HIBCH: variants seen among roughly 807,000 people sequenced by gnomAD.
HIBCH encodes 3-hydroxyisobutyryl-CoA hydrolase.
A neutral mutation model predicts 58.2 loss-of-function variants in HIBCH; 50 were observed. That is an observed-to-expected ratio of 0.86 (90% confidence interval 0.68 to 1.09). HIBCH has a LOEUF of 1.09. Among genes scored for constraint, HIBCH ranks in the 50% least tolerant of loss-of-function variants. The pLI is 0.00. For missense variants in HIBCH, 450 were observed against 449.7 expected, an observed-to-expected ratio of 1.00 and a Z score of -0.01; for synonymous variants, 151 against 146.9, an observed-to-expected ratio of 1.03 and a Z score of -0.20.
intron 1 of HIBCH, among the ~76,000 whole-genome samples, chr2:190,193,654 T>C (rs932137154): frequency 6.6e-6 from 1 of 152,156 alleles, no homozygotes; most frequent in African/African-American, 2.4e-5. Context: ...TATTCCTGTT[T>C]GCCTTTTAAA....
At chr2:190,233,726 TC>T (rs1686180607) in intron 11 of HIBCH, among the ~76,000 whole-genome samples, 1 of 152,170 alleles carries the variant, frequency 6.6e-6, no homozygotes. Flanking sequence ...AACAGGAACT[TC>T]ATAAGAAAGA....
At chr2:190,268,587 G>T in intron 6 of HIBCH, among the ~76,000 whole-genome samples, 1 of 152,300 alleles carries the variant, frequency 6.6e-6, no homozygotes, top group South Asian at 2.1e-4. Flanking sequence ...GAAGAAAGCT[G>T]ACACAGCTCT....
chr2:190,230,080 T>C (rs1438586659), intron 11 of HIBCH, among the ~76,000 whole-genome samples: 1 of 152,190 alleles, frequency 6.6e-6, no homozygotes, highest in Non-Finnish European at 1.5e-5. Context: ...AAGCTCCCCA[T>C]TCTAATCAGT....
rs776918625 is a variant in HIBCH at position 190,252,297 on chromosome 2, A to C, written c.528T>G (p.Pro176=). ...GCAAGAAATAACCTCCACCCACATC[A>C]GGGAACAGTCCTGTAATTAAATGTA... is the stretch of plus-strand genomic sequence containing the variant. ...AMPETAIGLF[P]DVGGGYFLPR... Residue 176 remains proline (P), a synonymous_variant, in exon 8 of 14, where the codon CCT becomes CCG. Coordinates refer to ENST00000359678, the MANE Select transcript of HIBCH (RefSeq NM_014362.4). 6.2e-6 allele frequency: 10 copies of C among 1,612,892 alleles called. No homozygotes were observed.
chr2:190,282,167 A>T (rs1687720006), intron 6 of HIBCH, among the ~76,000 whole-genome samples: 1 of 152,174 alleles, frequency 6.6e-6, no homozygotes, highest in Non-Finnish European at 1.5e-5. Flanking sequence ...CCAATTCCAA[A>T]GCCACTTCCA....
At chr2:190,275,948 A>C (rs567363074) in intron 6 of HIBCH, among the ~76,000 whole-genome samples, 2 of 152,366 alleles carry the variant, frequency 1.3e-5, no homozygotes, top group South Asian at 4.1e-4. Context: ...TCTGCTGCAG[A>C]CAAGAACAGA....
rs1001352481 is a variant in HIBCH, at chr2:190,197,028, C to T, written c.*18-7031G>A. On this transcript the variant is annotated intron_variant, in intron 1 of 1. Transcript: ENST00000399855. This position sits in a 1 kb window ranked among gnomAD's most constrained non-coding sequence, Gnocchi z 4.0. ...TTGTGAAGGCCTGCTTTGTGGTTTA[C>T]AGCTTTTCACTGTGGCCTCACATGT... Among the ~76,000 whole-genome samples, 1 of 152,104 alleles carries T rather than the reference C, an allele frequency of 6.6e-6. No individual in the cohort carries two copies. The highest frequency in any genetic ancestry group is 2.4e-5 in the African/African-American group (1 of 41,406).
intron 7 of HIBCH, chr2:190,260,379 G>C (rs971711130): frequency 6.6e-6 from 1 of 152,094 alleles, no homozygotes; most frequent in African/African-American, 2.4e-5. Context: ...TCCATGCTGA[G>C]AGAAATTAAA....
intron 2 of HIBCH, among the ~76,000 whole-genome samples, chr2:190,301,572 T>G (rs944646656): frequency 2.0e-5 from 3 of 152,114 alleles, no homozygotes; most frequent in Non-Finnish European, 2.9e-5. Flanking sequence ...ATTGGGGTGG[T>G]GGGTACATGC....
rs1002649897 is a variant in HIBCH, at chr2:190,243,842, C to T, written c.891+1045G>A. ...AAAATTAGCCACCCGTGGTGGCACA[C>T]GCCCGTAGTCCCAGCTACTCAGGAG... On this transcript the variant is annotated intron_variant, in intron 11 of 13. Coordinates refer to ENST00000359678, the MANE Select transcript of HIBCH (RefSeq NM_014362.4). The surrounding 1 kb of genome is among the most constrained non-coding windows in gnomAD (Gnocchi z 4.1). 2.6e-5 allele frequency among the ~76,000 whole-genome samples: 4 copies of T among 152,124 alleles called. No homozygotes were observed. The highest frequency in any genetic ancestry group is 4.4e-5 in the Non-Finnish European group (3 of 68,014).
At chr2:190,305,550 C>CAT (rs1688381607) in intron 2 of HIBCH, among the ~76,000 whole-genome samples, 1 of 152,124 alleles carries the variant, frequency 6.6e-6, no homozygotes, top group Admixed American at 6.5e-5. Flanking sequence ...ACCTTAATTA[C>CAT]ATATACAACA....
In HIBCH at chr2:190,217,874, G is replaced by C. The variant is rs544954089; in HGVS notation, c.892-4799C>G. Reference sequence around the variant, plus strand: ...AAAGAAAGGGAAAAGAGTGAATAGGGAATGTATAAATCACCTAAGAAACCC... The same window carrying C: ...AAAGAAAGGGAAAAGAGTGAATAGGCAATGTATAAATCACCTAAGAAACCC... On this transcript the variant is annotated intron_variant, in intron 11 of 13. Coordinates refer to ENST00000359678, the MANE Select transcript of HIBCH (RefSeq NM_014362.4). This position sits in a 1 kb window ranked among gnomAD's most constrained non-coding sequence, Gnocchi z 4.6. 6.6e-6 allele frequency among the ~76,000 whole-genome samples: 1 copy of C among 152,260 alleles called. No individual in the cohort carries two copies. Among genetic ancestry groups the C allele is most frequent in the Admixed American group, 6.5e-5 (1 of 15,288 alleles).
chr2:190,222,866 C>G (rs1416724578), intron 11 of HIBCH, among the ~76,000 whole-genome samples: 8 of 152,212 alleles, frequency 5.3e-5, no homozygotes, highest in Admixed American at 5.2e-4. Context: ...GACTTGGAAC[C>G]AATCCAAATG....
intron 6 of HIBCH, among the ~76,000 whole-genome samples, chr2:190,275,853 T>C (rs566488188): frequency 2.0e-5 from 3 of 152,328 alleles, no homozygotes; most frequent in African/African-American, 7.2e-5. Context: ...TCTTTTATAA[T>C]TGGTTCAGTT....
At chr2:190,312,311 G>A (rs1356523240) in intron 1 of HIBCH, among the ~76,000 whole-genome samples, 2 of 152,312 alleles carry the variant, frequency 1.3e-5, no homozygotes, top group Non-Finnish European at 2.9e-5. Context: ...TGACAGATGT[G>A]CAAATAAAAA....
chr2:190,296,095 C>T (rs958726043), intron 3 of HIBCH, among the ~76,000 whole-genome samples: 5 of 152,154 alleles, frequency 3.3e-5, no homozygotes, highest in Non-Finnish European at 7.4e-5. Context: ...GGAAAGTTTA[C>T]GGCCTTCTCT....
At chr2:190,213,150 A>T (rs1351655641) in intron 11 of HIBCH, 75 bp from the exon 12 acceptor site, 3 of 1,169,674 alleles carry the variant, frequency 2.6e-6, no homozygotes, top group Non-Finnish European at 3.8e-6. Context: ...CAGAGTGTCT[A>T]TGTAAATAAT....
intron 2 of HIBCH, among the ~76,000 whole-genome samples, chr2:190,298,862 G>C (rs558365425): frequency 1.4e-3 from 215 of 152,246 alleles, no homozygotes; most frequent in Middle Eastern, 3.4e-3. Context: ...TTCTTCTAGG[G>C]TTTTTACTGT....
chr2:190,195,084 G>C (rs1350817659), intron 1 of HIBCH, among the ~76,000 whole-genome samples: 1 of 151,964 alleles, frequency 6.6e-6, no homozygotes, highest in Non-Finnish European at 1.5e-5. Context: ...GGCTGGTCTT[G>C]AACTCCTGGG....
Sources: allele counts gnomAD v4.1 joint callset (sites outside exome capture counted in the v4.1 genomes callset), GRCh38; gene constraint gnomAD v4.1.1; non-coding constraint Gnocchi (gnomAD v3.1); transcripts MANE v1.5; gene names NCBI Gene and HGNC (gene_info 2026-07-23, HGNC 2026-07-21).